Variants in TF observed in about 807,000 individuals in gnomAD.
The protein encoded by TF is transferrin, also known as serotransferrin.
In TF, 55 loss-of-function variants were observed where a neutral mutation model predicts 82.4. That is an observed-to-expected ratio of 0.67 (90% confidence interval 0.54 to 0.84). The LOEUF is 0.84. Ranked by LOEUF, TF falls within the 40% of genes least tolerant of loss-of-function variation. TF has a pLI of 0.00. For synonymous variants in TF, 332 were observed against 332.6 expected, an observed-to-expected ratio of 1.00 and a Z score of 0.02; for missense variants, 737 against 868.4, an observed-to-expected ratio of 0.85 and a Z score of 1.90.
chr3:133,700,373 C>A, the TF span: 1 of 152,460 alleles, frequency 6.6e-6, no homozygotes, highest in South Asian at 2.1e-4. Flanking sequence ...GGCCAGTCAA[C>A]CGGAGTCATA....
the TF span, among the ~76,000 whole-genome samples, chr3:133,696,580 A>G: frequency 6.6e-6 from 1 of 152,242 alleles, no homozygotes; most frequent in Non-Finnish European, 1.5e-5. Flanking sequence ...ACCATCTAAT[A>G]AAACAAGTTG....
At chr3:133,746,246 T>G, upstream of TF, 15 of 655,712 alleles carry the variant, frequency 2.3e-5, no homozygotes, top group East Asian at 2.7e-5. Flanking sequence ...GCTCAGAAAA[T>G]GAGGTGATCA....
At chr3:133,714,191 T>C in the TF span, among the ~76,000 whole-genome samples, 1 of 151,948 alleles carries the variant, frequency 6.6e-6, no homozygotes, top group Non-Finnish European at 1.5e-5. Flanking sequence ...GAAGAAGGTC[T>C]GTGGATGAGG....
At chr3:133,751,033 G>A (rs1031822469) in intron 2 of TF, among the ~76,000 whole-genome samples, 1 of 151,938 alleles carries the variant, frequency 6.6e-6, no homozygotes, top group Non-Finnish European at 1.5e-5. Flanking sequence ...TTGTATTGTG[G>A]TATATTAAAA....
rs1188196003 is a variant in TF at position 133,785,109 on chromosome 3, T to C, written c.*6489T>C. 8.1e-6 allele frequency: 1 copy of C among 124,156 alleles called. No individual in the cohort carries two copies. The highest frequency in any genetic ancestry group is 2.9e-5 in the African/African-American group (1 of 34,530). 7.7% of individuals were successfully genotyped at this position (124,156 alleles called of 1,614,324 possible). On this transcript the variant is annotated 3_prime_UTR_variant, in exon 17 of 17. Coordinates refer to ENST00000402696, the MANE Select transcript of TF (RefSeq NM_001063.4). ...CCCCTCTGCCAGGCCAGCCGCCCCG[T>C]CCGGGAGGGAGGTGGGGGGGTCAGC...
chr3:133,664,711 ATT>A, the TF span, among the ~76,000 whole-genome samples: 1 of 152,204 alleles, frequency 6.6e-6, no homozygotes, highest in African/African-American at 2.4e-5. Flanking sequence ...GTATTTTTAA[ATT>A]TTGTTTTTTT....
chr3:133,793,346 A>G lies in TF; in HGVS notation c.*14726A>G, dbSNP rs375568342. Reference sequence around the variant, plus strand: ...GTCAAGTGTTTTAAATCTTTAACATATTTAATAGGCTTCCCAAAATCAAAT... The same window carrying G: ...GTCAAGTGTTTTAAATCTTTAACATGTTTAATAGGCTTCCCAAAATCAAAT... On this transcript the variant is annotated 3_prime_UTR_variant, in exon 17 of 17. Transcript: ENST00000402696. 1.6e-4 allele frequency: 24 copies of G among 152,258 alleles called. No individual in the cohort carries two copies. The highest frequency in any genetic ancestry group is 5.1e-4 in the African/African-American group (21 of 41,576). 9.4% of individuals were successfully genotyped at this position (152,258 alleles called of 1,614,324 possible).
chr3:133,729,488 C>T, the TF span, among the ~76,000 whole-genome samples: 1 of 152,174 alleles, frequency 6.6e-6, no homozygotes, highest in East Asian at 1.9e-4. Context: ...TCTCCTGGTG[C>T]GCTGTTTTTT....
chr3:133,699,403 T>C, the TF span: 6 of 1,038,150 alleles, frequency 5.8e-6, no homozygotes, highest in East Asian at 1.9e-4. Flanking sequence ...CTATGGCTCA[T>C]GGCTCTCCTG....
the TF span, among the ~76,000 whole-genome samples, chr3:133,721,624 CT>C: frequency 6.6e-6 from 1 of 152,022 alleles, no homozygotes; most frequent in East Asian, 1.9e-4. Context: ...CAGTTAAAGT[CT>C]TTTTTCTTTT....
At chr3:133,715,456 C>G in the TF span, among the ~76,000 whole-genome samples, 4 of 152,174 alleles carry the variant, frequency 2.6e-5, no homozygotes, top group Non-Finnish European at 5.9e-5. Context: ...TGGCAGTTCT[C>G]CCTTTTTCTG....
Position 133,764,035 on chromosome 3 carries a change from G to C in TF, c.1204-147G>C. 4 of 719,576 alleles carry C rather than the reference G, an allele frequency of 5.6e-6. No individual in the cohort carries two copies. In the South Asian group the frequency reaches 5.8e-5, roughly 10 times the overall value. The allele number at this position is 719,576 out of a possible 1,614,324, so 44.6% of individuals were successfully genotyped here. ...TGATTTTCTCTGCTGAGTGTGCCTG[G>C]CTGATCTTTTGGGGGTTCAGTATCA... On this transcript the variant is annotated intron_variant, in intron 9 of 16. Coordinates refer to ENST00000402696, the MANE Select transcript of TF (RefSeq NM_001063.4).
the TF span, among the ~76,000 whole-genome samples, chr3:133,697,848 C>T: frequency 2.0e-5 from 3 of 152,226 alleles, no homozygotes; most frequent in Non-Finnish European, 4.4e-5. Flanking sequence ...CACTCTTTCT[C>T]TTTCAGTTTG....
In TF at chr3:133,768,109, A is replaced by T. The variant is rs371276115; in HGVS notation, c.1567A>T (p.Asn523Tyr). Residue 523 changes from asparagine to tyrosine, a missense_variant, in exon 13 of 17, where the codon AAC becomes TAC. Asn to Tyr is a moderately radical substitution (Grantham distance 143, BLOSUM62 -2). Coordinates refer to ENST00000402696, the MANE Select transcript of TF (RefSeq NM_001063.4). ...LCKLCMGSGLNLCEPNNKEGY... is the reference protein window; with the variant it reads ...LCKLCMGSGLYLCEPNNKEGY... The stretch of plus-strand genomic sequence containing the variant: ...TAAGCTGTGTATGGGCTCAGGCCTA[A>T]ACCTGTGTGAACCCAACAACAAAGA... The T allele has an allele frequency of 2.5e-5, 40 of 1,614,100 alleles. No individual in the cohort carries two copies. The African/African-American group carries it at 5.3e-4, about 22-fold the overall frequency.
intron 14 of TF, chr3:133,770,955 A>G: frequency 3.5e-6 from 1 of 282,594 alleles, no homozygotes; most frequent in East Asian, 8.2e-5. Context: ...TCCACATTTA[A>G]CTGTTGTCAG....
Position 133,784,288 on chromosome 3 carries a change from T to TA in TF, c.*5669dup, listed in dbSNP as rs1397427170. Reference sequence around the variant, plus strand: ...CCCATCGGAAAGGCCCACCACCCTTTAGGAAGATTACTGGCTGTTTATAGA... The same window carrying TA: ...CCCATCGGAAAGGCCCACCACCCTTTAAGGAAGATTACTGGCTGTTTATAGA... On this transcript the variant is annotated 3_prime_UTR_variant, in exon 17 of 17. Transcript: ENST00000402696. The TA allele has an allele frequency of 6.6e-6, 1 of 152,074 alleles. No individual in the cohort carries two copies. Among genetic ancestry groups the TA allele is most frequent in the African/African-American group, 2.4e-5 (1 of 41,400 alleles). 9.4% of individuals were successfully genotyped at this position (152,074 alleles called of 1,614,324 possible).
At chr3:133,746,275 G>A (rs1933494384), upstream of TF, 5 of 739,358 alleles carry the variant, frequency 6.8e-6, no homozygotes, top group South Asian at 4.8e-5. Flanking sequence ...AGTAAGGAAG[G>A]GGGGTTGGGA....
At chr3:133,730,904 T>C in the TF span, among the ~76,000 whole-genome samples, 1 of 152,172 alleles carries the variant, frequency 6.6e-6, no homozygotes, top group African/African-American at 2.4e-5. Context: ...CCTAGGGGGT[T>C]GGTAAGTCTT....
chr3:133,756,285 T>C lies in TF; in HGVS notation c.639T>C (p.Cys213=). 1 of 1,614,044 alleles carries C rather than the reference T, an allele frequency of 6.2e-7. No individual in the cohort carries two copies. The highest frequency in any genetic ancestry group is 1.1e-5 in the South Asian group (1 of 91,026). Residue 213 remains cysteine, a synonymous_variant, in exon 6 of 17, where the codon TGT becomes TGC. Coordinates refer to ENST00000402696, the MANE Select transcript of TF (RefSeq NM_001063.4). The stretch of plus-strand genomic sequence containing the variant: ...CTGATGTGTTTCTTTGACCCAGGTG[T>C]CTGAAGGATGGTGCTGGGGATGTGG... The part of the protein sequence containing the change: ...QYFGYSGAFK[C]LKDGAGDVAF...
Sources: allele counts gnomAD v4.1 joint callset (sites outside exome capture counted in the v4.1 genomes callset), GRCh38; gene constraint gnomAD v4.1.1; transcripts MANE v1.5; gene names NCBI Gene and HGNC (gene_info 2026-07-23, HGNC 2026-07-21).